Variants in OPCML observed in about 807,000 individuals in gnomAD.
The protein encoded by OPCML is opioid-binding protein/cell adhesion molecule.
A neutral mutation model predicts 37.8 loss-of-function variants in OPCML; 13 were observed. The ratio of observed to expected loss-of-function variants is 0.34; its 90% CI spans 0.22 to 0.55. The LOEUF (loss-of-function observed/expected upper bound fraction) is 0.55, where lower values mean the gene tolerates loss of function less well. Among genes scored for constraint, OPCML ranks in the 20% least tolerant of loss-of-function variants. OPCML has a pLI of 0.91. For synonymous variants in OPCML, 176 were observed against 168.8 expected (o/e 1.04, Z -0.33); for missense variants, 341 against 435.6 (o/e 0.78, Z 1.93).
chr11:132,799,276 T>G (rs139225147), intron 2 of OPCML, among the ~76,000 whole-genome samples: 1 of 152,322 alleles, frequency 6.6e-6, no homozygotes, highest in East Asian at 1.9e-4. Flanking sequence ...TCTGGATAAC[T>G]TGCTGCAGCT....
intron 1 of OPCML, among the ~76,000 whole-genome samples, chr11:133,490,181 C>T (rs1018137464): frequency 6.6e-6 from 1 of 152,112 alleles, no homozygotes; most frequent in Non-Finnish European, 1.5e-5. Flanking sequence ...GCCCAGGACG[C>T]ATGCAAGAGA....
At chr11:133,339,101 C>T (rs571131120) in intron 1 of OPCML, among the ~76,000 whole-genome samples, 1 of 152,272 alleles carries the variant, frequency 6.6e-6, no homozygotes, top group Admixed American at 6.5e-5. Flanking sequence ...CCGCATTAAG[C>T]TATTAATACA....
intron 2 of OPCML, among the ~76,000 whole-genome samples, chr11:132,668,395 C>G (rs1320888652): frequency 6.6e-6 from 1 of 152,178 alleles, no homozygotes; most frequent in East Asian, 1.9e-4. Context: ...CTTACTAACA[C>G]AGAGCACTAA....
At chr11:133,135,275 G>A (rs1479633552) in intron 1 of OPCML, among the ~76,000 whole-genome samples, 1 of 152,112 alleles carries the variant, frequency 6.6e-6, no homozygotes, top group Non-Finnish European at 1.5e-5. Context: ...ATTTAAGACG[G>A]CACACTAGCC....
intron 2 of OPCML, among the ~76,000 whole-genome samples, chr11:132,840,810 T>C (rs1457751057): frequency 7.9e-5 from 12 of 151,960 alleles, no homozygotes; most frequent in Non-Finnish European, 7.4e-5. Context: ...GGCTGGAGAA[T>C]GCTCGTTAGA....
At chr11:132,504,586 C>T (rs1033022433) in intron 4 of OPCML, among the ~76,000 whole-genome samples, 8 of 151,616 alleles carry the variant, frequency 5.3e-5, no homozygotes, top group South Asian at 2.1e-4. Context: ...ACTTCCCAGG[C>T]GGCTTGCAGG....
At chr11:133,495,362 A>G (rs1947762752) in intron 1 of OPCML, among the ~76,000 whole-genome samples, 1 of 152,218 alleles carries the variant, frequency 6.6e-6, no homozygotes, top group Admixed American at 6.5e-5. Flanking sequence ...TGCTATAAAC[A>G]TGCGTATGCA....
chr11:133,294,916 C>T (rs1324363519), intron 1 of OPCML, among the ~76,000 whole-genome samples: 6 of 150,286 alleles, frequency 4.0e-5, no homozygotes, highest in African/African-American at 9.8e-5. Context: ...CTCCGCCTCC[C>T]AGGTTGAAGC....
rs189384766 is a variant in OPCML, at chr11:132,458,688, G to A, written c.506-21329C>T. On this transcript the variant is annotated intron_variant, in intron 4 of 7. Coordinates refer to ENST00000524381, the MANE Select transcript of OPCML (RefSeq NM_001012393.5). ...ACTGATAAACCCATTACATTTTAAC[G>A]TAAGTACCTATTACGATGAAAAATA... Among the ~76,000 whole-genome samples the A allele has an allele frequency of 4.9e-4, 75 of 152,106 alleles. No individual in the cohort carries two copies. In the East Asian group the frequency reaches 0.011, roughly 22 times the overall value.
chr11:133,409,163 T>TGCACTCTTCAACTTAATACCACATC, intron 1 of OPCML, among the ~76,000 whole-genome samples: 1 of 152,120 alleles, frequency 6.6e-6, no homozygotes, highest in East Asian at 1.9e-4. Context: ...AACCAACGCG[T>TGCACTCTTCAACTTAATACCACATC]CATGATACCC....
chr11:133,508,781 C>T (rs372721595), intron 1 of OPCML, among the ~76,000 whole-genome samples: 34 of 152,246 alleles, frequency 2.2e-4, no homozygotes, highest in Middle Eastern at 3.4e-3. Context: ...CAGCTGGGTG[C>T]GCACCAAACA....
rs1019145790 is a variant in OPCML, at chr11:132,711,883, C to T, written c.147-54564G>A. On this transcript the variant is annotated intron_variant, in intron 2 of 7. Coordinates refer to ENST00000524381, the MANE Select transcript of OPCML (RefSeq NM_001012393.5). ...AATTCTTTCTTAAAATAATACAACA[C>T]GCGTGCAATAATGGTATACACAAGG... Among the ~76,000 whole-genome samples, 19 of 152,276 alleles carry T rather than the reference C, an allele frequency of 1.2e-4. 1 individual carries two copies. The highest frequency in any genetic ancestry group is 8.3e-4 in the South Asian group (4 of 4,820).
intron 1 of OPCML, chr11:133,005,248 T>C (rs1276253215): frequency 1.0e-6 from 1 of 985,386 alleles, no homozygotes; most frequent in Non-Finnish European, 1.2e-6. Context: ...AAAAGATTGA[T>C]AGTGGAAAAA....
chr11:132,468,079 T>C (rs1051648487), intron 4 of OPCML, among the ~76,000 whole-genome samples: 2 of 152,250 alleles, frequency 1.3e-5, no homozygotes, highest in African/African-American at 4.8e-5. Context: ...AAAGCTAATC[T>C]TCCTATCTGG....
At chr11:132,673,352 A>T (rs1942561102) in intron 2 of OPCML, among the ~76,000 whole-genome samples, 1 of 152,102 alleles carries the variant, frequency 6.6e-6, no homozygotes, top group African/African-American at 2.4e-5. Context: ...TCACAGAGAG[A>T]TGGAAGTGGG....
chr11:132,466,487 A>G (rs2096120561), intron 4 of OPCML, among the ~76,000 whole-genome samples: 1 of 129,888 alleles, frequency 7.7e-6, no homozygotes, highest in Non-Finnish European at 1.5e-5. Flanking sequence ...CCGTCTCGGA[A>G]AAAAAAAAAA....
chr11:132,960,313 A>G (rs1946064703), intron 1 of OPCML, among the ~76,000 whole-genome samples: 1 of 152,180 alleles, frequency 6.6e-6, no homozygotes, highest in Non-Finnish European at 1.5e-5. Context: ...CCTTCTTACC[A>G]CGGTCACATG....
intron 3 of OPCML, among the ~76,000 whole-genome samples, chr11:132,623,030 T>A (rs1380606930): frequency 1.3e-5 from 2 of 152,232 alleles, no homozygotes; most frequent in African/African-American, 4.8e-5. Flanking sequence ...AAGTACCTTA[T>A]AAATTTTAGT....
At position 132,961,690 on chromosome 11, in the gene OPCML, C is replaced by T. The variant is rs111254890; in HGVS notation, c.62-18680G>A. Among the ~76,000 whole-genome samples, 619 of 152,312 alleles carry T rather than the reference C, an allele frequency of 4.1e-3. 2 individuals carry two copies. Among genetic ancestry groups the T allele is most frequent in the African/African-American group, 0.014 (568 of 41,570 alleles). ...GTGGCCTTTGGTTTCCTCATCTGTA[C>T]GATGAGCCCCTTTGACTGATGATTT... On this transcript the variant is annotated intron_variant, in intron 1 of 7. Coordinates refer to ENST00000524381, the MANE Select transcript of OPCML (RefSeq NM_001012393.5).
Sources: allele counts gnomAD v4.1 joint callset (sites outside exome capture counted in the v4.1 genomes callset), GRCh38; gene constraint gnomAD v4.1.1; transcripts MANE v1.5; gene names NCBI Gene and HGNC (gene_info 2026-07-23, HGNC 2026-07-21).